The following ARSF variants were observed in gnomAD, a reference collection of about 807,000 sequenced individuals.
ARSF encodes the protein arylsulfatase F.
In ARSF, 33 loss-of-function variants were observed where a neutral mutation model predicts 35.4. That is an observed-to-expected ratio of 0.93 (90% CI 0.71 to 1.25). The LOEUF is 1.25. Among genes scored for constraint, ARSF ranks in the 50% most tolerant of loss-of-function variants. ARSF has a pLI of 0.00. For synonymous variants in ARSF, 222 were observed against 193.1 expected, an observed-to-expected ratio of 1.15 and a Z score of -1.24; for missense variants, 501 against 480.2, an observed-to-expected ratio of 1.04 and a Z score of -0.40.
At chrX:3,101,876 C>T (rs994093165) in intron 8 of ARSF, among the ~76,000 whole-genome samples, 61 of 111,482 alleles carry the variant, frequency 5.5e-4, no homozygotes, top group Admixed American at 1.3e-3. Context: ...TGGAAAATGT[C>T]GAGTATATTT....
At chrX:3,102,353 T>G (rs1441197922) in intron 8 of ARSF, among the ~76,000 whole-genome samples, 2 of 112,105 alleles carry the variant, frequency 1.8e-5, no homozygotes, top group East Asian at 5.6e-4. Flanking sequence ...GTAGCTTAAC[T>G]CCCACTTATA....
At chrX:3,064,610 AAAAC>A (rs1478378042) in intron 1 of ARSF, among the ~76,000 whole-genome samples, 1 of 111,930 alleles carries the variant, frequency 8.9e-6, no homozygotes, top group African/African-American at 3.2e-5. Context: ...TTACAAGAAA[AAAAC>A]AAACAACCCC....
intron 7 of ARSF, among the ~76,000 whole-genome samples, chrX:3,098,538 G>T (rs1184266945): frequency 9.0e-6 from 1 of 110,618 alleles, no homozygotes; most frequent in Non-Finnish European, 1.9e-5. Context: ...TAAGTCTCAT[G>T]AGATCTGATG....
At chrX:3,110,827 G>A (rs1009344247) in intron 10 of ARSF, among the ~76,000 whole-genome samples, 6 of 111,683 alleles carry the variant, frequency 5.4e-5, no homozygotes, top group African/African-American at 1.3e-4. Context: ...GAACCCAGGA[G>A]GCAGAGGTTG....
At chrX:3,100,086 G>A (rs889032535) in intron 7 of ARSF, among the ~76,000 whole-genome samples, 5 of 111,929 alleles carry the variant, frequency 4.5e-5, no homozygotes, top group Admixed American at 9.5e-5. Flanking sequence ...AAAATGATTG[G>A]AAATGTGGTT....
At chrX:3,050,886 A>G (rs1230477366) in intron 1 of ARSF, among the ~76,000 whole-genome samples, 1 of 111,467 alleles carries the variant, frequency 9.0e-6, no homozygotes, top group East Asian at 2.8e-4. Context: ...TTTGCTTCTC[A>G]GTGTGCATGC....
At chrX:3,093,513 G>A (rs937861786) in intron 7 of ARSF, among the ~76,000 whole-genome samples, 8 of 111,622 alleles carry the variant, frequency 7.2e-5, no homozygotes, top group Non-Finnish European at 1.5e-4. Flanking sequence ...TGTGGTAGTT[G>A]GTTTTCTTTT....
At chrX:3,065,468 T>C (rs752714062) in intron 1 of ARSF, among the ~76,000 whole-genome samples, 2 of 106,892 alleles carry the variant, frequency 1.9e-5, no homozygotes, top group Non-Finnish European at 3.8e-5. Context: ...ATAAATAAAA[T>C]AAAATCAGGA....
At chrX:3,086,733 A>T (rs964476638) in intron 6 of ARSF, among the ~76,000 whole-genome samples, 1 of 111,727 alleles carries the variant, frequency 9.0e-6, no homozygotes, top group Admixed American at 9.6e-5. Context: ...TGGGAGGATT[A>T]GTTGAGCCTG....
At position 3,106,169 on chromosome X, in the gene ARSF, A is replaced by T. The variant is rs779839941; in HGVS notation, c.1265+2245A>T. ...CTGCAACCATGACTCCACTAGCCAT[A>T]GGCTAAGTCTTCAGAGGACGCACCA... On this transcript the variant is annotated intron_variant, in intron 9 of 10. Transcript: ENST00000381127. Among the ~76,000 whole-genome samples, 201 of 112,319 alleles carry T rather than the reference A, an allele frequency of 1.8e-3. 1 individual carries two copies. The highest frequency in any genetic ancestry group is 6.4e-3 in the African/African-American group (198 of 30,907).
chrX:3,108,449 T>G (rs2090423808), intron 9 of ARSF, among the ~76,000 whole-genome samples: 1 of 111,906 alleles, frequency 8.9e-6, no homozygotes, highest in Admixed American at 9.5e-5. Context: ...TTTCTCCATT[T>G]ATTTCTCTTA....
intron 4 of ARSF, among the ~76,000 whole-genome samples, chrX:3,077,784 T>TTTTG (rs1569138517): frequency 1.0e-5 from 1 of 95,605 alleles, no homozygotes; most frequent in East Asian, 3.6e-4. Context: ...ATCAATTTTA[T>TTTTG]TTTATTTATT....
At chrX:3,044,107 G>A (rs1023908272) in intron 1 of ARSF, among the ~76,000 whole-genome samples, 1 of 111,778 alleles carries the variant, frequency 8.9e-6, no homozygotes, top group African/African-American at 3.2e-5. Context: ...GTTTCTATCT[G>A]TCATGAGGAA....
chrX:3,105,075 A>C (rs1476926046), intron 9 of ARSF, among the ~76,000 whole-genome samples: 1 of 112,038 alleles, frequency 8.9e-6, no homozygotes, highest in Non-Finnish European at 1.9e-5. Flanking sequence ...GGGAATCCAG[A>C]TGGGTTAGAA....
At chrX:3,057,459 A>G (rs112655645) in intron 1 of ARSF, among the ~76,000 whole-genome samples, 6,818 of 110,952 alleles carry the variant, frequency 0.061, 268 homozygotes, top group African/African-American at 0.14. Flanking sequence ...AGTAACAGGC[A>G]GAACGTCTTA....
In ARSF at chrX:3,084,568, C is replaced by T; in HGVS notation, c.732C>T (p.Asp244=). ...FSSHTSPLYW[D]CLLMRGHEIT... ...GCCACACGTCCCCTTTATACTGGGA[C>T]TGCCTCCTCATGCGGGGGCACGAGA... Residue 244 remains aspartate (D), a synonymous_variant, in exon 6 of 11, where the codon GAC becomes GAT. Coordinates refer to ENST00000381127, the MANE Select transcript of ARSF (RefSeq NM_001201539.2). 1 of 1,211,630 alleles carries T rather than the reference C, an allele frequency of 8.3e-7. No individual in the cohort carries two copies.
intron 2 of ARSF, among the ~76,000 whole-genome samples, chrX:3,068,576 C>T (rs1040614941): frequency 4.5e-5 from 5 of 110,385 alleles, no homozygotes; most frequent in East Asian, 2.9e-4. Context: ...CTTATCGCCA[C>T]GCCCAGCTAA....
chrX:3,101,452 C>T (rs1286106887), intron 8 of ARSF, among the ~76,000 whole-genome samples: 1 of 111,566 alleles, frequency 9.0e-6, no homozygotes, highest in Non-Finnish European at 1.9e-5. Context: ...TAGAAATATG[C>T]CTTTCTGACA....
chrX:3,103,791 G>A lies in ARSF; in HGVS notation c.1132G>A (p.Gly378Arg), dbSNP rs764292225. The change falls in exon 9 of 11, where the codon GGA (glycine) becomes AGA (arginine). Residue 378 changes from glycine to arginine, a missense_variant. Gly to Arg is a moderately radical substitution (Grantham distance 125, BLOSUM62 -2). Transcript: ENST00000381127. The part of the protein sequence containing the change: ...GGKGMGGWEG[G>R]IRVPGIVRWP... The stretch of plus-strand genomic sequence containing the variant: ...AAAAGGCATGGGGGGCTGGGAAGGT[G>A]GAATCCGCGTCCCAGGAATTGTCCG... 2 of 1,209,708 alleles carry A rather than the reference G, an allele frequency of 1.7e-6. No homozygotes were observed. The highest frequency in any genetic ancestry group is 1.7e-5 in the African/African-American group (1 of 57,184).
Sources: allele counts gnomAD v4.1 joint callset (sites outside exome capture counted in the v4.1 genomes callset), GRCh38; gene constraint gnomAD v4.1.1; transcripts MANE v1.5; gene names NCBI Gene and HGNC (gene_info 2026-07-23, HGNC 2026-07-21).